Variants in SLC9C1 observed in about 807,000 individuals in gnomAD.
The protein encoded by SLC9C1 is solute carrier family 9 member C1, also known as sodium/hydrogen exchanger 10.
SLC9C1 carries 97 observed loss-of-function variants against 140.9 expected under a neutral mutation model. The ratio of observed to expected loss-of-function variants is 0.69; its 90% CI spans 0.58 to 0.82. The LOEUF (loss-of-function observed/expected upper bound fraction) is 0.82. Among genes scored for constraint, SLC9C1 ranks in the 40% least tolerant of loss-of-function variants. The pLI, the probability that SLC9C1 is intolerant of heterozygous loss-of-function variation, is 0.00. For missense variants in SLC9C1, 1,340 were observed against 1,389.3 expected (o/e 0.96, Z 0.56); for synonymous variants, 440 against 442.6 (o/e 0.99, Z 0.07).
At chr3:112,173,398 T>C (rs117459149) in intron 23 of SLC9C1, among the ~76,000 whole-genome samples, 63 of 152,016 alleles carry the variant, frequency 4.1e-4, no homozygotes, top group East Asian at 3.1e-3. Flanking sequence ...TAATGGTACA[T>C]GATAAGTAGT....
intron 23 of SLC9C1, among the ~76,000 whole-genome samples, chr3:112,176,314 ATTGAG>A (rs769317669): frequency 1.1e-4 from 17 of 152,128 alleles, no homozygotes; most frequent in Non-Finnish European, 2.1e-4. Flanking sequence ...TTCTCCGTGA[ATTGAG>A]TTGTTTCCTT....
intron 6 of SLC9C1, among the ~76,000 whole-genome samples, chr3:112,272,642 T>C (rs1297038120): frequency 6.6e-6 from 1 of 152,238 alleles, no homozygotes; most frequent in Admixed American, 6.5e-5. Context: ...TTCATCGTTC[T>C]CTTTCTCCTA....
intron 14 of SLC9C1, among the ~76,000 whole-genome samples, chr3:112,219,498 G>A (rs1388791441): frequency 6.6e-6 from 1 of 152,134 alleles, no homozygotes; most frequent in Non-Finnish European, 1.5e-5. Context: ...TGCCTTCATA[G>A]GCATATGTTG....
chr3:112,244,085 GA>G lies in SLC9C1; in HGVS notation c.1198-10del, dbSNP rs781036743. 1 of 1,532,242 alleles carries G rather than the reference GA, an allele frequency of 6.5e-7. No homozygotes were observed. The highest frequency in any genetic ancestry group is 1.2e-5 in the South Asian group (1 of 83,384). The allele number at this position is 1,532,242 out of a possible 1,614,324, so 94.9% of individuals were successfully genotyped here. A position where few individuals can be genotyped will look rare whatever the true frequency, so the allele number is the denominator to read the frequency against. Reference sequence around the variant, plus strand: ...ACTCCATGAAATAATATCTAGAATTGAAAAAAATACAAAGTAAGTATTCATG... The same window carrying G: ...ACTCCATGAAATAATATCTAGAATTGAAAAAATACAAAGTAAGTATTCATG... On this transcript the variant is annotated splice_polypyrimidine_tract_variant and intron_variant, in intron 10 of 28. Transcript: ENST00000305815.
chr3:112,167,223 A>C lies in SLC9C1; in HGVS notation c.3362T>G (p.Ile1121Arg). The C allele has an allele frequency of 6.2e-7, 1 of 1,607,114 alleles. No individual in the cohort carries two copies. Among genetic ancestry groups the C allele is most frequent in the Non-Finnish European group, 8.5e-7 (1 of 1,177,278 alleles). The change falls in exon 26 of 29, where the codon ATA (isoleucine) becomes AGA (arginine). Residue 1121 changes from isoleucine (I) to arginine (R), a missense_variant and splice_region_variant. Transcript: ENST00000305815. Reference protein sequence around the residue: ...KHKSYLTPGLIGSVGTLEEGI... With the variant: ...KHKSYLTPGLRGSVGTLEEGI... ...TTGCTGAAAGAAGTCTAACTCACCTATTAATCCTGGTGTAAGATAACTTTT... is the reference window on the plus strand; with the variant it reads ...TTGCTGAAAGAAGTCTAACTCACCTCTTAATCCTGGTGTAAGATAACTTTT...
chr3:112,142,253 AG>A (rs2074650132), intron 28 of SLC9C1, among the ~76,000 whole-genome samples: 1 of 152,330 alleles, frequency 6.6e-6, no homozygotes, highest in Non-Finnish European at 1.5e-5. Flanking sequence ...TGAATAAAAA[AG>A]TTGTCAATTA....
chr3:112,257,209 C>T (rs1013304263), intron 10 of SLC9C1, among the ~76,000 whole-genome samples: 2 of 152,028 alleles, frequency 1.3e-5, no homozygotes, highest in Non-Finnish European at 2.9e-5. Context: ...TTTTAAAATT[C>T]GTATGGAACC....
At chr3:112,230,458 G>A (rs1382445412) in intron 13 of SLC9C1, among the ~76,000 whole-genome samples, 1 of 152,158 alleles carries the variant, frequency 6.6e-6, no homozygotes, top group African/African-American at 2.4e-5. Context: ...AGGACAAGTG[G>A]AAAATCTGCT....
At chr3:112,232,538 C>T (rs2078856374) in intron 12 of SLC9C1, among the ~76,000 whole-genome samples, 1 of 152,226 alleles carries the variant, frequency 6.6e-6, no homozygotes, top group Admixed American at 6.5e-5. Flanking sequence ...GAGCTTTAAG[C>T]ACTGGTTCAG....
At chr3:112,229,190 C>A (rs1480082833) in intron 13 of SLC9C1, among the ~76,000 whole-genome samples, 2 of 151,914 alleles carry the variant, frequency 1.3e-5, no homozygotes, top group African/African-American at 2.4e-5. Context: ...GACAGGGGAG[C>A]TAGCAGGAAT....
At chr3:112,220,339 T>C (rs2078505912) in intron 14 of SLC9C1, among the ~76,000 whole-genome samples, 1 of 152,198 alleles carries the variant, frequency 6.6e-6, no homozygotes, top group African/African-American at 2.4e-5. Flanking sequence ...CACAAGGTTG[T>C]ACATGTGACT....
At chr3:112,149,464 A>T (rs2074896462) in intron 28 of SLC9C1, among the ~76,000 whole-genome samples, 1 of 151,870 alleles carries the variant, frequency 6.6e-6, no homozygotes, top group Non-Finnish European at 1.5e-5. Flanking sequence ...TGGAGTAGAG[A>T]GAGCCCTGCT....
Position 112,239,894 on chromosome 3 carries a change from A to G in SLC9C1, c.1392T>C (p.Ala464=). The G allele has an allele frequency of 6.2e-7, 1 of 1,613,992 alleles. No homozygotes were observed. The highest frequency in any genetic ancestry group is 1.1e-5 in the South Asian group (1 of 91,054). Residue 464 remains alanine (A), a synonymous_variant, in exon 12 of 29, where the codon GCT becomes GCC. Coordinates refer to ENST00000305815, the MANE Select transcript of SLC9C1 (RefSeq NM_183061.3). ...TCTCAATCATGTTCCAATCAGCATT[A>G]GCAAGATCTTTGTCAAATTTAAGGG... The part of the protein sequence containing the change: ...ASALKFDKDL[A]NADWNMIEKA...
chr3:112,229,270 G>C (rs571310016), intron 13 of SLC9C1, among the ~76,000 whole-genome samples: 25 of 152,152 alleles, frequency 1.6e-4, no homozygotes, highest in African/African-American at 5.8e-4. Flanking sequence ...CAGCACTGCA[G>C]GGTGATTATA....
chr3:112,214,706 G>T (rs1274396279), intron 15 of SLC9C1, among the ~76,000 whole-genome samples: 4 of 152,118 alleles, frequency 2.6e-5, no homozygotes, highest in Non-Finnish European at 5.9e-5. Context: ...CTGAAATTGA[G>T]GAAACAATTA....
chr3:112,155,362 G>A (rs2107866005), intron 26 of SLC9C1, among the ~76,000 whole-genome samples: 1 of 152,180 alleles, frequency 6.6e-6, no homozygotes, highest in South Asian at 2.1e-4. Context: ...CTAGCAATAA[G>A]GATACATAAG....
intron 15 of SLC9C1, among the ~76,000 whole-genome samples, chr3:112,215,506 CAA>C (rs1273620298): frequency 1.3e-5 from 2 of 152,110 alleles, no homozygotes; most frequent in East Asian, 3.8e-4. Flanking sequence ...GCAACTTCAG[CAA>C]AGTCCCAGGA....
intron 1 of SLC9C1, among the ~76,000 whole-genome samples, chr3:112,289,109 T>C (rs997516025): frequency 1.3e-5 from 2 of 152,112 alleles, no homozygotes; most frequent in African/African-American, 4.8e-5. Context: ...ATTTTTAGTC[T>C]CAAAGCCAGC....
chr3:112,151,071 C>T (rs538744462), intron 28 of SLC9C1, among the ~76,000 whole-genome samples: 11 of 151,848 alleles, frequency 7.2e-5, no homozygotes, highest in South Asian at 4.2e-4. Context: ...CTCCTGACCT[C>T]GTGATCCACC....
Sources: allele counts gnomAD v4.1 joint callset (sites outside exome capture counted in the v4.1 genomes callset), GRCh38; gene constraint gnomAD v4.1.1; transcripts MANE v1.5; gene names NCBI Gene and HGNC (gene_info 2026-07-23, HGNC 2026-07-21).